TIAM2: variants seen among roughly 807,000 people sequenced by gnomAD.
TIAM2 encodes TIAM Rac1 associated GEF 2, also known as rho guanine nucleotide exchange factor TIAM2.
A neutral mutation model predicts 152.9 loss-of-function variants in TIAM2; 80 were observed. The ratio of observed to expected loss-of-function variants is 0.52; its 90% CI spans 0.44 to 0.63. TIAM2 has a LOEUF of 0.63. TIAM2 is among the 30% of genes least tolerant of loss of function. The probability of loss-of-function intolerance (pLI) is 0.00; values close to 1 mark genes in which losing one functional copy is unlikely to be tolerated. For missense variants in TIAM2, 1,965 were observed against 2,120.1 expected (o/e 0.93, Z 1.44); for synonymous variants, 804 against 838.0 (o/e 0.96, Z 0.70).
In TIAM2 at chr6:155,055,849, C is replaced by G. The variant is rs535273851; in HGVS notation, c.-208-34440C>G. On this transcript the variant is annotated intron_variant, in intron 1 of 26. Coordinates refer to ENST00000682666, the MANE Select transcript of TIAM2 (RefSeq NM_012454.4). ...ATAGTGGTGCATGCCTGTATCCTAG[C>G]TACTTGGGAGTCTGAAGTGGGAGGA... Among the ~76,000 whole-genome samples, 83 of 152,158 alleles carry G rather than the reference C, an allele frequency of 5.5e-4. No individual in the cohort carries two copies. The South Asian group carries it at 0.016, about 29-fold the overall frequency.
intron 1 of TIAM2, among the ~76,000 whole-genome samples, chr6:155,025,963 G>A (rs902230736): frequency 5.9e-5 from 9 of 151,650 alleles, no homozygotes; most frequent in African/African-American, 2.2e-4. Flanking sequence ...GCAGTTGTGG[G>A]GTCTCAGAAC....
intron 1 of TIAM2, among the ~76,000 whole-genome samples, chr6:155,014,576 T>C (rs1388064166): frequency 6.6e-6 from 1 of 152,212 alleles, no homozygotes; most frequent in East Asian, 1.9e-4. Flanking sequence ...TGTATCAATA[T>C]AGGATGCTTT....
At chr6:155,208,004 C>A (rs997984110) in intron 14 of TIAM2, among the ~76,000 whole-genome samples, 2 of 152,076 alleles carry the variant, frequency 1.3e-5, no homozygotes, top group Non-Finnish European at 2.9e-5. Context: ...ATCTTGGGCT[C>A]CAAAGCTCCT....
rs116892944 is a variant in TIAM2, at chr6:155,205,676, G to T, written c.3065-5528G>T. On this transcript the variant is annotated intron_variant, in intron 14 of 26. Coordinates refer to ENST00000682666, the MANE Select transcript of TIAM2 (RefSeq NM_012454.4). Reference sequence around the variant, plus strand: ...TACGTAGCTGCCTGAGGAGAGTCAGGCTTCCTTAGGATTAAGCTGCAGGTG... The same window carrying T: ...TACGTAGCTGCCTGAGGAGAGTCAGTCTTCCTTAGGATTAAGCTGCAGGTG... Among the ~76,000 whole-genome samples the T allele has an allele frequency of 4.3e-3, 655 of 152,302 alleles. 2 individuals carry two copies. Among genetic ancestry groups the T allele is most frequent in the Admixed American group, 6.8e-3 (104 of 15,298 alleles).
At chr6:154,999,067 T>G (rs956402567) in intron 1 of TIAM2, among the ~76,000 whole-genome samples, 24 of 152,142 alleles carry the variant, frequency 1.6e-4, no homozygotes, top group African/African-American at 5.8e-4. Flanking sequence ...TAAGAAATGA[T>G]GCAAAGTCCA....
At chr6:155,232,793 C>G (rs1782545065) in intron 15 of TIAM2, 1 of 152,208 alleles carries the variant, frequency 6.6e-6, no homozygotes, top group Admixed American at 6.5e-5. Context: ...GTGGCAGTCT[C>G]TTTCCTAGTA....
At chr6:155,244,909 C>G in intron 18 of TIAM2, 126 bp downstream of exon 18, 2 of 1,242,670 alleles carry the variant, frequency 1.6e-6, no homozygotes, top group South Asian at 3.7e-5. Context: ...TGTCCTGTGA[C>G]TATTTCCTTG....
At chr6:155,182,062 TC>T (rs1316937418) in intron 12 of TIAM2, among the ~76,000 whole-genome samples, 163 bp from the exon 13 acceptor site, 9 of 152,378 alleles carry the variant, frequency 5.9e-5, no homozygotes, top group African/African-American at 2.2e-4. Flanking sequence ...TTTGTCTTTT[TC>T]TGCCCCTGCA....
intron 5 of TIAM2, 60 bp downstream of exon 5, chr6:155,137,672 G>T: frequency 6.7e-7 from 1 of 1,488,308 alleles, no homozygotes; most frequent in Non-Finnish European, 8.9e-7. Context: ...CGTGCTCTTT[G>T]CCAGGAAGTG....
At chr6:155,069,386 G>T (rs928702089) in intron 1 of TIAM2, among the ~76,000 whole-genome samples, 1 of 152,090 alleles carries the variant, frequency 6.6e-6, no homozygotes, top group African/African-American at 2.4e-5. Context: ...AAGCAACCAC[G>T]CCCAGCCTGT....
chr6:155,220,863 C>T (rs1346832195), intron 15 of TIAM2, among the ~76,000 whole-genome samples: 1 of 151,934 alleles, frequency 6.6e-6, no homozygotes, highest in African/African-American at 2.4e-5. Flanking sequence ...TTTGCTGCAC[C>T]CATCAACCCA....
chr6:155,144,532 G>T (rs898034767), intron 5 of TIAM2, 74 bp from the exon 6 acceptor site: 13 of 1,386,998 alleles, frequency 9.4e-6, no homozygotes, highest in Non-Finnish European at 1.1e-5. Flanking sequence ...AAAAAAGTGT[G>T]TCACTTACCC....
intron 19 of TIAM2, 118 bp from the exon 20 acceptor site, chr6:155,247,882 T>A: frequency 7.6e-7 from 1 of 1,319,526 alleles, no homozygotes; most frequent in East Asian, 2.3e-5. Flanking sequence ...GGGTTTTCAT[T>A]AAAGAATGGC....
chr6:155,045,428 C>T (rs963019882), intron 1 of TIAM2, among the ~76,000 whole-genome samples: 3 of 148,214 alleles, frequency 2.0e-5, no homozygotes, highest in Admixed American at 6.9e-5. Context: ...ACATTTTTCT[C>T]GAGTTTTTCT....
At chr6:155,236,984 C>G (rs1243725696) in intron 15 of TIAM2, among the ~76,000 whole-genome samples, 1 of 152,152 alleles carries the variant, frequency 6.6e-6, no homozygotes, top group African/African-American at 2.4e-5. Context: ...CCCAACAGTC[C>G]CCCAAAGTCT....
intron 1 of TIAM2, among the ~76,000 whole-genome samples, chr6:155,074,916 T>C (rs1159780942): frequency 6.6e-6 from 1 of 150,506 alleles, no homozygotes; most frequent in African/African-American, 2.5e-5. Flanking sequence ...GATGGGACCT[T>C]CTGACCACAG....
chr6:155,221,483 CT>C (rs1490153195), intron 15 of TIAM2, among the ~76,000 whole-genome samples: 1 of 152,180 alleles, frequency 6.6e-6, no homozygotes, highest in East Asian at 1.9e-4. Flanking sequence ...CAGGCTTCTC[CT>C]TTTTCTCTCC....
intron 1 of TIAM2, among the ~76,000 whole-genome samples, chr6:155,039,553 A>G (rs1363374017): frequency 6.8e-6 from 1 of 147,718 alleles, no homozygotes; most frequent in Non-Finnish European, 1.5e-5. Context: ...AAGTTGCCAG[A>G]AGTGGGGTAT....
chr6:155,151,799 G>T, intron 7 of TIAM2, among the ~76,000 whole-genome samples: 1 of 150,770 alleles, frequency 6.6e-6, no homozygotes. Flanking sequence ...GTATAACAGG[G>T]TACATAATTT....
Sources: allele counts gnomAD v4.1 joint callset (sites outside exome capture counted in the v4.1 genomes callset), GRCh38; gene constraint gnomAD v4.1.1; transcripts MANE v1.5; gene names NCBI Gene and HGNC (gene_info 2026-07-23, HGNC 2026-07-21).